The following CRB1 variants were observed in gnomAD, a reference collection of about 807,000 sequenced individuals.
The protein encoded by CRB1 is crumbs cell polarity complex component 1, also known as protein crumbs homolog 1.
CRB1 carries 83 observed loss-of-function variants against 120.0 expected under a neutral mutation model. The observed-to-expected ratio is 0.69, with a 90% CI of 0.58 to 0.83. The LOEUF (loss-of-function observed/expected upper bound fraction) is 0.83. Among genes scored for constraint, CRB1 ranks in the 40% least tolerant of loss-of-function variants. The pLI, the probability that CRB1 is intolerant of heterozygous loss-of-function variation, is 0.00. For missense variants in CRB1, 1,699 were observed against 1,687.6 expected (o/e 1.01, Z -0.12); for synonymous variants, 625 against 612.5 (o/e 1.02, Z -0.30).
At chr1:197,263,408 T>C (rs1315763233), upstream of CRB1, among the ~76,000 whole-genome samples, 2 of 152,162 alleles carry the variant, frequency 1.3e-5, no homozygotes, top group African/African-American at 2.4e-5. Flanking sequence ...TTAAGTTCCT[T>C]ATAGATTCTG....
intron 5 of CRB1, among the ~76,000 whole-genome samples, chr1:197,399,687 T>C (rs1662964114): frequency 6.6e-6 from 1 of 152,184 alleles, no homozygotes; most frequent in South Asian, 2.1e-4. Context: ...TCAGAGTCTC[T>C]CACATGGCTA....
chr1:197,283,853 C>G (rs1655674681), intron 1 of CRB1, among the ~76,000 whole-genome samples: 2 of 151,048 alleles, frequency 1.3e-5, no homozygotes, highest in African/African-American at 4.9e-5. Context: ...GTTATTCAAA[C>G]AATAAATTTT....
chr1:197,443,679 T>C (rs1428551665), intron 11 of CRB1: 1 of 151,916 alleles, frequency 6.6e-6, no homozygotes, highest in African/African-American at 2.4e-5. Flanking sequence ...AACCAAAATA[T>C]ATTTGACATT....
intron 11 of CRB1, among the ~76,000 whole-genome samples, chr1:197,471,288 T>C (rs537678320): frequency 1.3e-5 from 2 of 152,242 alleles, no homozygotes; most frequent in South Asian, 2.1e-4. Flanking sequence ...GCCTTTATAT[T>C]GGATTCCTTC....
chr1:197,440,666 C>T (rs1175107581), intron 10 of CRB1: 3 of 152,194 alleles, frequency 2.0e-5, no homozygotes, highest in African/African-American at 4.8e-5. Flanking sequence ...TAGAGGAAGA[C>T]AGAAAATAGT....
chr1:197,302,999 G>A (rs1485740085), intron 1 of CRB1, among the ~76,000 whole-genome samples: 2 of 152,052 alleles, frequency 1.3e-5, no homozygotes, highest in Non-Finnish European at 2.9e-5. Context: ...GCTGCACTAA[G>A]TAGAAGCATT....
At chr1:197,362,068 A>T (rs570962961) in intron 5 of CRB1, among the ~76,000 whole-genome samples, 1 of 151,880 alleles carries the variant, frequency 6.6e-6, no homozygotes, top group South Asian at 2.1e-4. Context: ...TATTTTTAAA[A>T]TTCCTTTTTG....
chr1:197,234,391 A>T, the CRB1 span, among the ~76,000 whole-genome samples: 3 of 152,240 alleles, frequency 2.0e-5, no homozygotes, highest in African/African-American at 7.2e-5. Context: ...GGAACAGCCC[A>T]TGTAGTGAGG....
At chr1:197,336,686 T>C (rs1388727091) in intron 2 of CRB1, among the ~76,000 whole-genome samples, 1 of 152,194 alleles carries the variant, frequency 6.6e-6, no homozygotes, top group Non-Finnish European at 1.5e-5. Flanking sequence ...CACTGGGCAT[T>C]GTGCGGACTT....
intron 11 of CRB1, among the ~76,000 whole-genome samples, chr1:197,471,998 A>C (rs1667001979): frequency 6.6e-6 from 1 of 152,210 alleles, no homozygotes; most frequent in Admixed American, 6.5e-5. Context: ...TGTAGATGGA[A>C]GATAAATATT....
At chr1:197,255,475 T>C in the CRB1 span, among the ~76,000 whole-genome samples, 9 of 152,232 alleles carry the variant, frequency 5.9e-5, no homozygotes, top group Admixed American at 5.9e-4. Flanking sequence ...AATTATTTGA[T>C]GTGAATCTAG....
At chr1:197,435,767 A>G (rs575110833) in intron 9 of CRB1, among the ~76,000 whole-genome samples, 155 bp downstream of exon 9, 2 of 152,086 alleles carry the variant, frequency 1.3e-5, no homozygotes, top group Admixed American at 6.6e-5. Flanking sequence ...TCATGTTCAG[A>G]TGGGATCTCA....
intron 8 of CRB1, among the ~76,000 whole-genome samples, chr1:197,434,331 G>A (rs1665017368): frequency 6.6e-6 from 1 of 151,484 alleles, no homozygotes; most frequent in East Asian, 1.9e-4. Context: ...CTTTATTTGT[G>A]GGAGCAAATG....
At chr1:197,234,872 C>T in the CRB1 span, among the ~76,000 whole-genome samples, 3 of 152,236 alleles carry the variant, frequency 2.0e-5, no homozygotes, top group Admixed American at 6.5e-5. Context: ...CAGATAATTA[C>T]ATTAGATCCT....
chr1:197,323,619 T>A (rs570845), intron 1 of CRB1, among the ~76,000 whole-genome samples: 105,488 of 152,042 alleles, frequency 0.69, 36,813 homozygotes, highest in East Asian at 0.92. Flanking sequence ...ATATAATTAG[T>A]TCCTCATTAA....
intron 1 of CRB1, among the ~76,000 whole-genome samples, chr1:197,301,477 T>C (rs1436470652): frequency 6.6e-6 from 1 of 152,294 alleles, no homozygotes; most frequent in East Asian, 1.9e-4. Flanking sequence ...CAAGTCTCAT[T>C]ATTTAAGAAA....
intron 1 of CRB1, among the ~76,000 whole-genome samples, chr1:197,284,519 A>C (rs1655711393): frequency 6.6e-6 from 1 of 151,846 alleles, no homozygotes; most frequent in Non-Finnish European, 1.5e-5. Flanking sequence ...TTACTCGTTA[A>C]ACAACCTTGA....
At chr1:197,273,265 A>G (rs1404316803) in intron 1 of CRB1, among the ~76,000 whole-genome samples, 1 of 152,054 alleles carries the variant, frequency 6.6e-6, no homozygotes, top group African/African-American at 2.4e-5. Flanking sequence ...AACTGGAGTT[A>G]TGGGCTATTG....
At chr1:197,465,385 G>GT (rs1175759191) in intron 11 of CRB1, among the ~76,000 whole-genome samples, 77 of 151,934 alleles carry the variant, frequency 5.1e-4, no homozygotes, top group Middle Eastern at 3.4e-3. Context: ...TTTAGGGTTT[G>GT]TTTTTATTTT....
Sources: allele counts gnomAD v4.1 joint callset (sites outside exome capture counted in the v4.1 genomes callset), GRCh38; gene constraint gnomAD v4.1.1; transcripts MANE v1.5; gene names NCBI Gene and HGNC (gene_info 2026-07-23, HGNC 2026-07-21).